The following CASQ1 variants were observed in gnomAD, a reference collection of about 807,000 sequenced individuals.
CASQ1 encodes calsequestrin-1.
In CASQ1, 40 loss-of-function variants were observed where a neutral mutation model predicts 49.5. The ratio of observed to expected loss-of-function variants is 0.81; its 90% confidence interval spans 0.63 to 1.05. CASQ1 has a LOEUF of 1.05. Ranked by LOEUF, CASQ1 falls within the 50% of genes least tolerant of loss-of-function variation. The probability of loss-of-function intolerance (pLI) is 0.00; values close to 1 mark genes in which losing one functional copy is unlikely to be tolerated. For synonymous variants in CASQ1, 174 were observed against 187.2 expected (o/e 0.93, Z 0.58); for missense variants, 469 against 486.9 (o/e 0.96, Z 0.35).
chr1:160,196,833 G>A (rs927109328), intron 6 of CASQ1, among the ~76,000 whole-genome samples: 4 of 152,194 alleles, frequency 2.6e-5, no homozygotes, highest in Non-Finnish European at 4.4e-5. Flanking sequence ...GTGGGAAGGC[G>A]TGGCGAGGTG....
Position 160,201,499 on chromosome 1 carries a change from C to CTA in CASQ1, c.*127_*128dup. The stretch of plus-strand genomic sequence containing the variant: ...TCTCTGCCATAGAGCTAACTGGGGT[C>CTA]TATATGCTGGGTGCTGAGACACTGA... On this transcript the variant is annotated 3_prime_UTR_variant, in exon 11 of 11. Transcript: ENST00000368078. The CTA allele has an allele frequency of 9.5e-7, 1 of 1,050,898 alleles. No individual in the cohort carries two copies. The highest frequency in any genetic ancestry group is 2.1e-5 in the Admixed American group (1 of 48,202). The allele number at this position is 1,050,898 out of a possible 1,614,324, so 65.1% of individuals were successfully genotyped here. A position where few individuals can be genotyped will look rare whatever the true frequency, so the allele number is the denominator to read the frequency against.
Position 160,195,891 on chromosome 1 carries a change from C to T in CASQ1, c.652-6C>T. On this transcript the variant is annotated splice_region_variant and splice_polypyrimidine_tract_variant and intron_variant, in intron 5 of 10. Coordinates refer to ENST00000368078, the MANE Select transcript of CASQ1 (RefSeq NM_001231.5). ...CTCCACTCCCCTCCTACCCCCTCTC[C>T]CAAAGGTGGCAAAGAAGCTGACCCT... is the stretch of plus-strand genomic sequence containing the variant. 6.2e-7 allele frequency: 1 copy of T among 1,613,712 alleles called. No individual in the cohort carries two copies. The highest frequency in any genetic ancestry group is 8.5e-7 in the Non-Finnish European group (1 of 1,179,786).
intron 3 of CASQ1, 68 bp downstream of exon 3, chr1:160,193,915 AC>A: frequency 1.1e-6 from 1 of 920,338 alleles, no homozygotes. Context: ...GTCCCTACCA[AC>A]CCCAACCTGA....
chr1:160,192,941 T>C (rs1654111183), intron 2 of CASQ1, 55 bp downstream of exon 2: 1 of 1,437,166 alleles, frequency 7.0e-7, no homozygotes, highest in Admixed American at 1.7e-5. Flanking sequence ...AGGGGAGGCT[T>C]AGGGCGGAGG....
At chr1:160,199,758 C>G in intron 9 of CASQ1, 93 bp from the exon 10 acceptor site, 1 of 851,056 alleles carries the variant, frequency 1.2e-6, no homozygotes. Flanking sequence ...GCACTGTCCC[C>G]TCTCCATCCC....
intron 4 of CASQ1, among the ~76,000 whole-genome samples, 156 bp downstream of exon 4, chr1:160,195,279 T>G (rs776308711): frequency 7.9e-5 from 12 of 152,154 alleles, no homozygotes; most frequent in Non-Finnish European, 1.6e-4. Flanking sequence ...CTGACCTCCC[T>G]GTACTCTGGG....
rs773804780 is a variant in CASQ1 at position 160,195,517 on chromosome 1, G to A, written c.634G>A (p.Ala212Thr). The A allele has an allele frequency of 9.5e-5, 153 of 1,613,572 alleles. No homozygotes were observed. The highest frequency in any genetic ancestry group is 1.3e-4 in the Non-Finnish European group (148 of 1,179,888). ...EEFHPYIPFF[A>T]TFDSKVAKKL... ...GTTTCATCCCTACATCCCCTTCTTC[G>A]CCACCTTCGACAGCAAGGTTCTCCT... The change falls in exon 5 of 11, where the codon GCC becomes ACC. Residue 212 changes from alanine (A) to threonine (T), a missense_variant. Ala to Thr is a moderately conservative substitution (Grantham distance 58). Transcript: ENST00000368078.
rs372138816 is a variant in CASQ1, at chr1:160,195,543, C to A, written c.651+9C>A. The A allele has an allele frequency of 1.9e-6, 3 of 1,612,062 alleles. No homozygotes were observed. The African/African-American group carries it at 4.0e-5, about 22-fold the overall frequency. On this transcript the variant is annotated intron_variant, in intron 5 of 10. Transcript: ENST00000368078. ...CCACCTTCGACAGCAAGGTTCTCCT[C>A]CCCGCAGCTGTATTGGTTCTGCCTC...
chr1:160,196,418 C>T (rs1001483583), intron 6 of CASQ1, among the ~76,000 whole-genome samples: 3 of 151,708 alleles, frequency 2.0e-5, no homozygotes. Flanking sequence ...AGTGTCAGAG[C>T]TTTTAACCCT....
At position 160,201,238 on chromosome 1, in the gene CASQ1, C is replaced by G. The variant is rs773447556; in HGVS notation, c.1060-7C>G. On this transcript the variant is annotated splice_polypyrimidine_tract_variant and splice_region_variant and intron_variant, in intron 10 of 10. Transcript: ENST00000368078. ...TAGCTTCCGTCCCTGCCTGTGCCAT[C>G]TCCTAGGCGGATAGCGTATGGATGG... 6.2e-7 allele frequency: 1 copy of G among 1,611,868 alleles called. No individual in the cohort carries two copies. The highest frequency in any genetic ancestry group is 8.5e-7 in the Non-Finnish European group (1 of 1,179,216).
intron 1 of CASQ1, among the ~76,000 whole-genome samples, chr1:160,192,403 C>T (rs1169067129): frequency 6.6e-6 from 1 of 151,378 alleles, no homozygotes; most frequent in Non-Finnish European, 1.5e-5. Flanking sequence ...CAACCCCACA[C>T]TGAGCTTGGC....
chr1:160,191,163 C>T, intron 1 of CASQ1, 133 bp downstream of exon 1: 2 of 867,634 alleles, frequency 2.3e-6, no homozygotes, highest in Non-Finnish European at 3.5e-6. Context: ...CTGTCCTGAC[C>T]AACAGGATGC....
rs528794234 is a variant in CASQ1 at position 160,194,735 on chromosome 1, A to G, written c.466-277A>G. Among the ~76,000 whole-genome samples, 5 of 149,544 alleles carry G rather than the reference A, an allele frequency of 3.3e-5. No homozygotes were observed. The East Asian group carries it at 9.9e-4, about 30-fold the overall frequency. On this transcript the variant is annotated intron_variant, in intron 3 of 10. Transcript: ENST00000368078. ...CACATATGCACCACATGCACACCAC[A>G]CTCATACCATCCACACACATCACAC... is the stretch of plus-strand genomic sequence containing the variant.
chr1:160,201,519 C>G lies in CASQ1; in HGVS notation c.*143C>G, dbSNP rs148588125. 4 of 794,534 alleles carry G rather than the reference C, an allele frequency of 5.0e-6. No homozygotes were observed. The highest frequency in any genetic ancestry group is 8.1e-6 in the Non-Finnish European group (4 of 491,058). 49.2% of individuals were successfully genotyped at this position (794,534 alleles called of 1,614,324 possible). ...GGGGTCTATATGCTGGGTGCTGAGACACTGATCCCCCTCATTTGATGAGCA... is the reference window on the plus strand; with the variant it reads ...GGGGTCTATATGCTGGGTGCTGAGAGACTGATCCCCCTCATTTGATGAGCA... On this transcript the variant is annotated 3_prime_UTR_variant, in exon 11 of 11. Transcript: ENST00000368078.
intron 6 of CASQ1, among the ~76,000 whole-genome samples, chr1:160,197,067 T>C (rs1249043600): frequency 2.0e-5 from 3 of 152,160 alleles, no homozygotes; most frequent in Non-Finnish European, 2.9e-5. Flanking sequence ...CCTTCCTTCA[T>C]AGTAGTCCAC....
chr1:160,191,127 G>A, intron 1 of CASQ1, 97 bp downstream of exon 1: 1 of 1,344,242 alleles, frequency 7.4e-7, no homozygotes, highest in Non-Finnish European at 1.0e-6. Flanking sequence ...TGGGATCTGG[G>A]GGTGAGGGGC....
In CASQ1 at chr1:160,195,795, G is replaced by A. The variant is rs150969951; in HGVS notation, c.652-102G>A. 6.2e-3 allele frequency: 8,201 copies of A among 1,333,184 alleles called. 30 individuals carry two copies. Among genetic ancestry groups the A allele is most frequent in the Non-Finnish European group, 7.7e-3 (7,399 of 956,520 alleles). The allele number at this position is 1,333,184 out of a possible 1,614,324, so 82.6% of individuals were successfully genotyped here. On this transcript the variant is annotated intron_variant, in intron 5 of 10. Coordinates refer to ENST00000368078, the MANE Select transcript of CASQ1 (RefSeq NM_001231.5). The stretch of plus-strand genomic sequence containing the variant: ...TCACAGTGGCAGTGACAAGGATCCC[G>A]GCTTTCTGACTCCCTTCCTAATATT...
chr1:160,201,628 T>C lies in CASQ1; in HGVS notation c.*252T>C. The C allele has an allele frequency of 1.8e-6, 1 of 547,246 alleles. No homozygotes were observed. Among genetic ancestry groups the C allele is most frequent in the Non-Finnish European group, 3.3e-6 (1 of 303,708 alleles). 33.9% of individuals were successfully genotyped at this position (547,246 alleles called of 1,614,324 possible). A position where few individuals can be genotyped will look rare whatever the true frequency, so the allele number is the denominator to read the frequency against. On this transcript the variant is annotated 3_prime_UTR_variant, in exon 11 of 11. Transcript: ENST00000368078. ...TATCCCATAACTTACTTGTATCTAT[T>C]ATGTGTCTCTTCCATCACTCTCCAT...
In CASQ1 at chr1:160,195,512, T is replaced by C; in HGVS notation, c.629T>C (p.Phe210Ser). 1 of 1,614,030 alleles carries C rather than the reference T, an allele frequency of 6.2e-7. No individual in the cohort carries two copies. Among genetic ancestry groups the C allele is most frequent in the African/African-American group, 1.3e-5 (1 of 74,976 alleles). Reference sequence around the variant, plus strand: ...GAGGAGTTTCATCCCTACATCCCCTTCTTCGCCACCTTCGACAGCAAGGTT... The same window carrying C: ...GAGGAGTTTCATCCCTACATCCCCTCCTTCGCCACCTTCGACAGCAAGGTT... Reference protein sequence around the residue: ...AAEEFHPYIPFFATFDSKVAK... With the variant: ...AAEEFHPYIPSFATFDSKVAK... Residue 210 changes from phenylalanine to serine, a missense_variant, in exon 5 of 11, where the codon TTC (phenylalanine) becomes TCC (serine). Phe to Ser is a radical substitution (Grantham distance 155). Transcript: ENST00000368078.
Sources: allele counts gnomAD v4.1 joint callset (sites outside exome capture counted in the v4.1 genomes callset), GRCh38; gene constraint gnomAD v4.1.1; transcripts MANE v1.5; gene names NCBI Gene and HGNC (gene_info 2026-07-23, HGNC 2026-07-21).